PLCXD1: variants seen among roughly 807,000 people sequenced by gnomAD.
The protein encoded by PLCXD1 is phosphatidylinositol specific phospholipase C X domain containing 1, also known as PI-PLC X domain-containing protein 1.
In PLCXD1, 45 loss-of-function variants were observed where a neutral mutation model predicts 37.8. The ratio of observed to expected loss-of-function variants is 1.19; its 90% CI spans 0.94 to 1.53. The LOEUF is 1.53. PLCXD1 is among the 40% of genes most tolerant of loss of function. The probability of loss-of-function intolerance (pLI) is 0.00; values close to 1 mark genes in which losing one functional copy is unlikely to be tolerated. For synonymous variants in PLCXD1, 246 were observed against 206.9 expected, an observed-to-expected ratio of 1.19 and a Z score of -1.62; for missense variants, 539 against 454.7, an observed-to-expected ratio of 1.19 and a Z score of -1.69.
chrX:291,452 G>A, intron 4 of PLCXD1, 47 bp from the exon 5 acceptor site: 6 of 1,604,654 alleles, frequency 3.7e-6, no homozygotes, highest in Non-Finnish European at 5.1e-6. Context: ...CGCCTTCCCT[G>A]TGGTGTTGGA....
chrX:289,557 C>G (rs1378849509), intron 3 of PLCXD1, among the ~76,000 whole-genome samples: 1 of 144,988 alleles, frequency 6.9e-6, no homozygotes, highest in East Asian at 2.0e-4. Flanking sequence ...GCCGCCCAGG[C>G]TGGAGTGCAG....
At chrX:278,393 C>T (rs1178592112), upstream of PLCXD1, among the ~76,000 whole-genome samples, 2 of 152,044 alleles carry the variant, frequency 1.3e-5, no homozygotes, top group African/African-American at 2.4e-5. Flanking sequence ...CTGATTTCCT[C>T]GAGTCTTCTG....
At chrX:296,092 T>A (rs111519310) in intron 6 of PLCXD1, among the ~76,000 whole-genome samples, 13,772 of 151,814 alleles carry the variant, frequency 0.091, 681 homozygotes, top group Non-Finnish European at 0.11. Flanking sequence ...GATTACAGGC[T>A]TGAGCCACTG....
chrX:299,278 C>T lies in PLCXD1; in HGVS notation c.915C>T (p.Gly305=), dbSNP rs143927211. 5.1e-5 allele frequency: 83 copies of T among 1,613,776 alleles called. No individual in the cohort carries two copies. Among genetic ancestry groups the T allele is most frequent in the African/African-American group, 8.0e-5 (6 of 74,910 alleles). The change falls in exon 7 of 7, where the codon GGC becomes GGT. Residue 305 remains glycine, a synonymous_variant. Transcript: ENST00000381657. ...ACATCATCGCGGGGGACTTCATCGGCGCAGACGGCTTCGTCAGTGACGTCA... is the reference window on the plus strand; with the variant it reads ...ACATCATCGCGGGGGACTTCATCGGTGCAGACGGCTTCGTCAGTGACGTCA... The part of the protein sequence containing the change: ...CTNIIAGDFI[G]ADGFVSDVIA...
chrX:279,430 A>G (rs1199219688), upstream of PLCXD1, among the ~76,000 whole-genome samples: 2 of 152,182 alleles, frequency 1.3e-5, no homozygotes, highest in Admixed American at 6.5e-5. Context: ...GCGGGCTTCC[A>G]GGTCATAAGG....
At chrX:298,756 T>C (rs1290238659) in intron 6 of PLCXD1, among the ~76,000 whole-genome samples, 4 of 80,268 alleles carry the variant, frequency 5.0e-5, no homozygotes, top group East Asian at 4.4e-4. Context: ...ACATGGGGAT[T>C]AGGACGTGGA....
Position 291,409 on chromosome X carries a change from T to G in PLCXD1, c.394-90T>G, listed in dbSNP as rs922307342. The G allele has an allele frequency of 6.1e-6, 9 of 1,473,806 alleles. No individual in the cohort carries two copies. The Admixed American group carries it at 1.4e-4, about 22-fold the overall frequency. 91.3% of individuals were successfully genotyped at this position (1,473,806 alleles called of 1,614,324 possible). A position where few individuals can be genotyped will look rare whatever the true frequency, so the allele number is the denominator to read the frequency against. The stretch of plus-strand genomic sequence containing the variant: ...GATCCACCCGCCTCGGCCTCCCAAA[T>G]TGCTGGGATGACAGGCGTGAGCCGC... On this transcript the variant is annotated intron_variant, in intron 4 of 6. Transcript: ENST00000381657.
rs753124249 is a variant in PLCXD1 at position 299,267 on chromosome X, G to A, written c.904G>A (p.Asp302Asn). Reference protein sequence around the residue: ...GSRCTNIIAGDFIGADGFVSD... With the variant: ...GSRCTNIIAGNFIGADGFVSD... ...ACGGTGCACCAACATCATCGCGGGG[G>A]ACTTCATCGGCGCAGACGGCTTCGT... The change falls in exon 7 of 7, where the codon GAC (aspartate) becomes AAC (asparagine). Residue 302 changes from aspartate to asparagine, a missense_variant. Asp to Asn is a conservative substitution (Grantham distance 23). Coordinates refer to ENST00000381657, the MANE Select transcript of PLCXD1 (RefSeq NM_018390.4). The A allele has an allele frequency of 1.9e-6, 3 of 1,613,784 alleles. No homozygotes were observed. Among genetic ancestry groups the A allele is most frequent in the Admixed American group, 3.3e-5 (2 of 59,968 alleles).
chrX:292,876 G>C (rs1436203409), intron 5 of PLCXD1, among the ~76,000 whole-genome samples, 159 bp from the exon 6 acceptor site: 1 of 152,094 alleles, frequency 6.6e-6, no homozygotes, highest in African/African-American at 2.4e-5. Flanking sequence ...GCCTCCCAAA[G>C]TGCTGGGATT....
At chrX:296,495 G>A (rs941961771) in intron 6 of PLCXD1, among the ~76,000 whole-genome samples, 1 of 152,132 alleles carries the variant, frequency 6.6e-6, no homozygotes, top group African/African-American at 2.4e-5. Context: ...CTCTGGCTGT[G>A]GAATCAGTCC....
At chrX:293,320 C>T (rs991436736) in intron 6 of PLCXD1, 102 bp downstream of exon 6, 2 of 894,934 alleles carry the variant, frequency 2.2e-6, no homozygotes, top group Admixed American at 2.3e-5. Context: ...TACGTGAAAA[C>T]AATTTAAAAG....
At chrX:277,331 G>A (rs2069177534), upstream of PLCXD1, among the ~76,000 whole-genome samples, 1 of 101,842 alleles carries the variant, frequency 9.8e-6, no homozygotes, top group African/African-American at 3.3e-5. Context: ...GGATGTGAGG[G>A]GAGGGGTTGG....
chrX:290,749 T>A lies in PLCXD1; in HGVS notation c.366T>A (p.His122Gln), dbSNP rs376252405. The A allele has an allele frequency of 1.2e-6, 2 of 1,613,088 alleles. No individual in the cohort carries two copies. Among genetic ancestry groups the A allele is most frequent in the Admixed American group, 1.7e-5 (1 of 59,956 alleles). Residue 122 changes from histidine (H) to glutamine (Q), a missense_variant, in exon 4 of 7, where the codon CAT becomes CAA. Transcript: ENST00000381657. ...EGSEKNLHFV[H>Q]MVYTTALVED... ...CGGAGAAGAACCTGCACTTTGTCCA[T>A]ATGGTGTACACAACGGCGCTGGTGG...
intron 2 of PLCXD1, 47 bp downstream of exon 2, chrX:284,361 G>C (rs374926194): frequency 1.9e-6 from 3 of 1,606,314 alleles, no homozygotes; most frequent in Non-Finnish European, 2.6e-6. Context: ...CCCAGGTGAC[G>C]GCAGGGTGGG....
chrX:283,045 G>A (rs1457173566), intron 1 of PLCXD1: 32 of 132,066 alleles, frequency 2.4e-4, no homozygotes, highest in South Asian at 1.8e-3. Flanking sequence ...ATGTATATAT[G>A]TATATATTCT....
intron 1 of PLCXD1, chrX:283,341 C>G (rs1430679564): frequency 6.6e-6 from 1 of 151,834 alleles, no homozygotes; most frequent in African/African-American, 2.4e-5. Flanking sequence ...CTCCAAACCC[C>G]AGGCAGGAGA....
chrX:289,273 G>T (rs952896214), intron 3 of PLCXD1, among the ~76,000 whole-genome samples: 1 of 152,002 alleles, frequency 6.6e-6, no homozygotes, highest in Non-Finnish European at 1.5e-5. Context: ...ATTTTTAGTA[G>T]AGATGGGGTT....
intron 2 of PLCXD1, among the ~76,000 whole-genome samples, chrX:284,591 CGCACACACGCACACACGCACACAT>C (rs1344601915): frequency 3.2e-3 from 1 of 314 alleles, no homozygotes; most frequent in Non-Finnish European, 7.5e-3. Context: ...CATGCACACA[CGCACACACGCACACACGCACACAT>C]GCACATCTGC....
chrX:299,440 G>C lies in PLCXD1; in HGVS notation c.*105G>C, dbSNP rs920839306. On this transcript the variant is annotated 3_prime_UTR_variant, in exon 7 of 7. Coordinates refer to ENST00000381657, the MANE Select transcript of PLCXD1 (RefSeq NM_018390.4). ...AAATGTTGGTGATCATAGGACCGAT[G>C]ATAATACGTTTTCATTTTCTTTAAA... is the stretch of plus-strand genomic sequence containing the variant. 2 of 845,230 alleles carry C rather than the reference G, an allele frequency of 2.4e-6. No homozygotes were observed. Among genetic ancestry groups the C allele is most frequent in the African/African-American group, 3.3e-5 (2 of 59,766 alleles). The allele number at this position is 845,230 out of a possible 1,614,324, so 52.4% of individuals were successfully genotyped here.
Sources: gnomAD v4.1 joint callset for allele counts (sites outside exome capture counted in the v4.1 genomes callset) on GRCh38, gnomAD v4.1.1 for gene constraint, MANE v1.5 for transcripts, NCBI Gene and HGNC (gene_info 2026-07-23, HGNC 2026-07-21) for gene names.